The following RTN4 variants were observed in gnomAD, a reference collection of about 807,000 sequenced individuals.
RTN4 encodes the protein reticulon 4.
Under a neutral mutation model 90.4 loss-of-function variants are expected in RTN4, and 32 were observed. The observed-to-expected ratio is 0.35, with a 90% CI of 0.27 to 0.48. The LOEUF is 0.48. RTN4 is among the 20% of genes least tolerant of loss of function. The probability of loss-of-function intolerance (pLI) is 0.99; values close to 1 mark genes in which losing one functional copy is unlikely to be tolerated. For synonymous variants in RTN4, 629 were observed against 552.5 expected (o/e 1.14, Z -1.94); for missense variants, 1,706 against 1,430.2 (o/e 1.19, Z -3.11).
At chr2:55,102,944 C>A (rs868097999) in intron 1 of RTN4, among the ~76,000 whole-genome samples, 1 of 151,532 alleles carries the variant, frequency 6.6e-6, no homozygotes, top group South Asian at 2.1e-4. Flanking sequence ...TGTGGAGAAA[C>A]CCCGTCTCTA....
intron 2 of RTN4, among the ~76,000 whole-genome samples, chr2:55,074,386 C>G (rs1400209909): frequency 6.6e-6 from 1 of 151,706 alleles, no homozygotes; most frequent in Admixed American, 6.6e-5. Flanking sequence ...TCCTGTAGTC[C>G]TAGCTACTTA....
chr2:54,975,813 C>T (rs182624679), intron 5 of RTN4, among the ~76,000 whole-genome samples: 1 of 152,324 alleles, frequency 6.6e-6, no homozygotes, highest in East Asian at 1.9e-4. Context: ...TACCAAGCAA[C>T]AGTTCTACAA....
intron 1 of RTN4, among the ~76,000 whole-genome samples, chr2:55,035,126 C>A (rs1682587507): frequency 6.6e-6 from 1 of 152,082 alleles, no homozygotes; most frequent in African/African-American, 2.4e-5. Flanking sequence ...AGACACACAA[C>A]CACACACTAT....
chr2:55,110,648 A>C (rs1420580806), intron 1 of RTN4, among the ~76,000 whole-genome samples: 1 of 152,222 alleles, frequency 6.6e-6, no homozygotes, highest in Non-Finnish European at 1.5e-5. Context: ...GGATCCTTTA[A>C]AAAAAACTGT....
intron 1 of RTN4, among the ~76,000 whole-genome samples, chr2:55,089,556 T>G (rs937585343): frequency 3.3e-5 from 5 of 152,258 alleles, no homozygotes; most frequent in African/African-American, 1.2e-4. Context: ...AAAATCTGTC[T>G]CCTTGTCTGG....
rs1276173020 is a variant in RTN4, at chr2:55,010,451, A to G, written c.3013+14635T>C. The G allele has an allele frequency of 1.0e-5, 8 of 803,374 alleles. No individual in the cohort carries two copies. In the South Asian group the frequency reaches 4.1e-4, roughly 41 times the overall value. The allele number at this position is 803,374 out of a possible 1,614,324, so 49.8% of individuals were successfully genotyped here. A position where few individuals can be genotyped will look rare whatever the true frequency, so the allele number is the denominator to read the frequency against. On this transcript the variant is annotated intron_variant, in intron 3 of 8. Coordinates refer to ENST00000337526, the MANE Select transcript of RTN4 (RefSeq NM_020532.5). The stretch of plus-strand genomic sequence containing the variant: ...GGGAGAGGGCAGGCTACCAAAAGAA[A>G]GGAAATAAGGGTTGTTCTTAGAACT...
intron 4 of RTN4, among the ~76,000 whole-genome samples, chr2:54,984,558 C>T (rs1573295197): frequency 6.6e-6 from 1 of 152,180 alleles, no homozygotes; most frequent in Non-Finnish European, 1.5e-5. Flanking sequence ...GATGCCTAAG[C>T]AGAAGCCATA....
At chr2:55,040,737 A>G (rs1172306191) in intron 1 of RTN4, among the ~76,000 whole-genome samples, 2 of 151,980 alleles carry the variant, frequency 1.3e-5, no homozygotes, top group Non-Finnish European at 2.9e-5. Flanking sequence ...TATACCTCTC[A>G]TAAGTACAAC....
intron 3 of RTN4, among the ~76,000 whole-genome samples, chr2:55,012,238 GA>G (rs1358138694): frequency 2.0e-5 from 3 of 152,192 alleles, no homozygotes; most frequent in Non-Finnish European, 4.4e-5. Flanking sequence ...AAAAGTCTGA[GA>G]GGGGCAAGAA....
the RTN4 span, among the ~76,000 whole-genome samples, chr2:55,137,287 G>A: frequency 2.0e-5 from 3 of 152,216 alleles, no homozygotes; most frequent in Non-Finnish European, 2.9e-5. Context: ...GAGAAGAGGA[G>A]GGCATGAAAT....
chr2:54,973,511 C>G, intron 8 of RTN4, 52 bp downstream of exon 8: 1 of 1,370,502 alleles, frequency 7.3e-7, no homozygotes, highest in Non-Finnish European at 1.0e-6. Context: ...ACTGTTCTCA[C>G]AATCCAGCAC....
chr2:55,040,016 G>C (rs1682965486), intron 1 of RTN4, among the ~76,000 whole-genome samples: 1 of 152,098 alleles, frequency 6.6e-6, no homozygotes, highest in Non-Finnish European at 1.5e-5. Flanking sequence ...AAATGAGAAG[G>C]TATGTTGTAG....
the RTN4 span, among the ~76,000 whole-genome samples, chr2:55,122,495 C>T: frequency 6.6e-6 from 1 of 152,176 alleles, no homozygotes; most frequent in African/African-American, 2.4e-5. Context: ...TGTCCTGTGG[C>T]TATTGTCTGA....
At chr2:55,018,633 G>T (rs1451731372) in intron 3 of RTN4, among the ~76,000 whole-genome samples, 1 of 151,824 alleles carries the variant, frequency 6.6e-6, no homozygotes, top group Non-Finnish European at 1.5e-5. Context: ...TAGGAACCAG[G>T]GTTCTCACTA....
At chr2:55,002,557 A>G (rs75193230) in intron 3 of RTN4, among the ~76,000 whole-genome samples, 2 of 152,068 alleles carry the variant, frequency 1.3e-5, no homozygotes, top group Non-Finnish European at 2.9e-5. Flanking sequence ...GTGGTTTTCA[A>G]TATTTCCCTT....
intron 5 of RTN4, among the ~76,000 whole-genome samples, chr2:54,978,220 A>C (rs1166010285): frequency 6.6e-6 from 1 of 152,210 alleles, no homozygotes; most frequent in African/African-American, 2.4e-5. Flanking sequence ...ACCTGAGGTC[A>C]GGAGTTCGAG....
chr2:55,040,075 T>A (rs1392201072), intron 1 of RTN4, among the ~76,000 whole-genome samples: 2 of 152,170 alleles, frequency 1.3e-5, no homozygotes, highest in African/African-American at 4.8e-5. Context: ...ATAGCCCTAA[T>A]CCTTATGGCA....
At chr2:55,008,905 C>T (rs373404285) in intron 3 of RTN4, among the ~76,000 whole-genome samples, 5 of 152,116 alleles carry the variant, frequency 3.3e-5, no homozygotes, top group East Asian at 1.9e-4. Context: ...GTAACGTCAA[C>T]GGCTAACAGG....
chr2:55,080,729 C>T (rs2968821), intron 1 of RTN4: 99,732 of 152,068 alleles, frequency 0.66, 33,608 homozygotes, highest in African/African-American at 0.82. Flanking sequence ...ATATTCTCCC[C>T]TTCCTAACTG....
Sources: allele counts gnomAD v4.1 joint callset (sites outside exome capture counted in the v4.1 genomes callset), GRCh38; gene constraint gnomAD v4.1.1; transcripts MANE v1.5; gene names NCBI Gene and HGNC (gene_info 2026-07-23, HGNC 2026-07-21).